The following ATP8A2 variants were observed in gnomAD, a reference collection of about 807,000 sequenced individuals.
ATP8A2 encodes the protein phospholipid-transporting ATPase IB.
ATP8A2 carries 100 observed loss-of-function variants against 165.6 expected under a neutral mutation model. That is an observed-to-expected ratio of 0.60 (90% CI 0.51 to 0.71). ATP8A2 has a LOEUF of 0.71. ATP8A2 is among the 30% of genes least tolerant of loss of function. The pLI, the probability that ATP8A2 is intolerant of heterozygous loss-of-function variation, is 0.00. For missense variants in ATP8A2, 1,227 were observed against 1,479.5 expected (o/e 0.83, Z 2.80); for synonymous variants, 543 against 548.8 (o/e 0.99, Z 0.15).
At chr13:25,502,710 G>C (rs1018389556) in intron 2 of ATP8A2, among the ~76,000 whole-genome samples, 1 of 152,170 alleles carries the variant, frequency 6.6e-6, no homozygotes, top group African/African-American at 2.4e-5. Context: ...CTTGTCCTTT[G>C]GACTCAGATG....
At chr13:25,993,349 T>A (rs57798033) in intron 35 of ATP8A2, among the ~76,000 whole-genome samples, 2,919 of 151,938 alleles carry the variant, frequency 0.019, 82 homozygotes, top group African/African-American at 0.06. Flanking sequence ...CAAGACAGGG[T>A]TGCCCTCTCT....
chr13:25,433,799 A>G (rs1242838861), intron 1 of ATP8A2, among the ~76,000 whole-genome samples: 1 of 152,210 alleles, frequency 6.6e-6, no homozygotes. Context: ...ACACAGCCAT[A>G]AAACAGAATG....
chr13:25,991,098 C>G (rs1956382234), intron 35 of ATP8A2, among the ~76,000 whole-genome samples: 1 of 152,180 alleles, frequency 6.6e-6, no homozygotes, highest in Non-Finnish European at 1.5e-5. Context: ...ACAGCCTCTC[C>G]CTCGGGTAGT....
chr13:25,837,917 T>C (rs1951660486), intron 29 of ATP8A2, among the ~76,000 whole-genome samples: 1 of 152,086 alleles, frequency 6.6e-6, no homozygotes, highest in Non-Finnish European at 1.5e-5. Flanking sequence ...GGTCGTGCAG[T>C]CTCAGACAGC....
intron 24 of ATP8A2, among the ~76,000 whole-genome samples, chr13:25,599,305 C>T (rs1258703457): frequency 2.6e-5 from 4 of 152,196 alleles, no homozygotes; most frequent in Non-Finnish European, 5.9e-5. Flanking sequence ...GCAGTGAGAA[C>T]ATCATCCTCT....
At chr13:25,550,718 T>C (rs988493183) in intron 10 of ATP8A2, among the ~76,000 whole-genome samples, 1 of 152,222 alleles carries the variant, frequency 6.6e-6, no homozygotes, top group Non-Finnish European at 1.5e-5. Flanking sequence ...GTCCAGGCCC[T>C]TCCTGACTCT....
chr13:25,564,770 G>A (rs2138141639), intron 16 of ATP8A2, among the ~76,000 whole-genome samples: 1 of 152,254 alleles, frequency 6.6e-6, no homozygotes, highest in African/African-American at 2.4e-5. Context: ...TTCTTTAGTG[G>A]TGATGTGTGA....
At chr13:25,976,811 C>T (rs1593658077) in intron 35 of ATP8A2, among the ~76,000 whole-genome samples, 1 of 152,168 alleles carries the variant, frequency 6.6e-6, no homozygotes, top group African/African-American at 2.4e-5. Flanking sequence ...TTTTTTGAGA[C>T]AGAATCTTGC....
At chr13:25,410,604 A>G (rs963633064) in intron 1 of ATP8A2, among the ~76,000 whole-genome samples, 3 of 152,246 alleles carry the variant, frequency 2.0e-5, no homozygotes, top group Non-Finnish European at 4.4e-5. Flanking sequence ...CCTGTGAGCA[A>G]GGCCCTGCGT....
At chr13:25,729,965 C>T (rs999171915) in intron 25 of ATP8A2, among the ~76,000 whole-genome samples, 1 of 152,122 alleles carries the variant, frequency 6.6e-6, no homozygotes. Context: ...ACTGCACCTC[C>T]CCAGCTTGTT....
intron 27 of ATP8A2, among the ~76,000 whole-genome samples, chr13:25,826,670 T>A (rs898017705): frequency 1.3e-5 from 2 of 152,254 alleles, no homozygotes; most frequent in South Asian, 2.1e-4. Flanking sequence ...TCTGTGATGA[T>A]GTGACACAGA....
At chr13:25,937,781 G>A (rs373723239) in intron 33 of ATP8A2, among the ~76,000 whole-genome samples, 32 of 149,980 alleles carry the variant, frequency 2.1e-4, no homozygotes, top group Admixed American at 9.3e-4. Context: ...CCCGGGAGGC[G>A]GAGCTTGTAG....
intron 35 of ATP8A2, among the ~76,000 whole-genome samples, chr13:25,982,589 C>T (rs181651197): frequency 2.6e-4 from 39 of 152,342 alleles, no homozygotes; most frequent in African/African-American, 8.9e-4. Flanking sequence ...CCACACATTT[C>T]TGCTCCATTT....
rs555133180 is a variant in ATP8A2, at chr13:25,955,905, C to T, written c.3184-5670C>T. 7.9e-5 allele frequency among the ~76,000 whole-genome samples: 12 copies of T among 152,260 alleles called. No individual in the cohort carries two copies. The South Asian group carries it at 1.9e-3, about 24-fold the overall frequency. ...AATACTGGCAAACCGAATCCAGCAGCGCATCAAAAAACTTATCTATTACCA... is the reference window on the plus strand; with the variant it reads ...AATACTGGCAAACCGAATCCAGCAGTGCATCAAAAAACTTATCTATTACCA... On this transcript the variant is annotated intron_variant, in intron 33 of 36. Coordinates refer to ENST00000381655, the MANE Select transcript of ATP8A2 (RefSeq NM_016529.6).
chr13:25,904,469 CT>C (rs1953867365), intron 33 of ATP8A2, among the ~76,000 whole-genome samples: 2 of 152,228 alleles, frequency 1.3e-5, no homozygotes, highest in Admixed American at 6.5e-5. Context: ...CCCCAGGGGC[CT>C]TTTGGCCTCG....
chr13:25,501,984 C>T (rs571490925), intron 2 of ATP8A2, among the ~76,000 whole-genome samples: 1 of 152,172 alleles, frequency 6.6e-6, no homozygotes, highest in Non-Finnish European at 1.5e-5. Context: ...AAATGTTGAA[C>T]CCTTTAATTA....
Position 25,413,352 on chromosome 13 carries a change from A to G in ATP8A2, c.76+41064A>G, listed in dbSNP as rs1593273445. Among the ~76,000 whole-genome samples, 3 of 120,926 alleles carry G rather than the reference A, an allele frequency of 2.5e-5. No homozygotes were observed. The South Asian group carries it at 7.5e-4, about 30-fold the overall frequency. The allele number at this position is 120,926 out of a possible 152,430, so 79.3% of individuals were successfully genotyped here. A position where few individuals can be genotyped will look rare whatever the true frequency, so the allele number is the denominator to read the frequency against. ...GCTGGAGTGCATTGGCATGGTCTTGACTCACTGCAACATCCACCTCCCAGG... is the reference window on the plus strand; with the variant it reads ...GCTGGAGTGCATTGGCATGGTCTTGGCTCACTGCAACATCCACCTCCCAGG... On this transcript the variant is annotated intron_variant, in intron 1 of 36. Coordinates refer to ENST00000381655, the MANE Select transcript of ATP8A2 (RefSeq NM_016529.6).
At chr13:25,948,015 G>A (rs956049106) in intron 33 of ATP8A2, among the ~76,000 whole-genome samples, 1 of 152,112 alleles carries the variant, frequency 6.6e-6, no homozygotes, top group African/African-American at 2.4e-5. Flanking sequence ...GGCACCAGGG[G>A]CTGATGTTTG....
At position 25,947,547 on chromosome 13, in the gene ATP8A2, T is replaced by A. The variant is rs116724399; in HGVS notation, c.3184-14028T>A. On this transcript the variant is annotated intron_variant, in intron 33 of 36. Transcript: ENST00000381655. ...CATAAAAGCCTCAAGGCCAAGAGGG[T>A]CTCCAGGACTTCCAGCTCAGAAGTC... 6.2e-3 allele frequency among the ~76,000 whole-genome samples: 944 copies of A among 152,192 alleles called. 10 individuals are homozygous for A. Among genetic ancestry groups the A allele is most frequent in the African/African-American group, 0.021 (882 of 41,510 alleles).
Sources: gnomAD v4.1 joint callset for allele counts (sites outside exome capture counted in the v4.1 genomes callset) on GRCh38, gnomAD v4.1.1 for gene constraint, MANE v1.5 for transcripts, NCBI Gene and HGNC (gene_info 2026-07-23, HGNC 2026-07-21) for gene names.